FYN: variants seen among roughly 807,000 people sequenced by gnomAD.
FYN encodes the protein FYN proto-oncogene, Src family tyrosine kinase.
Under a neutral mutation model 70.2 loss-of-function variants are expected in FYN, and 10 were observed. The ratio of observed to expected loss-of-function variants is 0.14; its 90% CI spans 0.09 to 0.24. FYN has a LOEUF of 0.24. Ranked by LOEUF, FYN falls within the 10% of genes least tolerant of loss-of-function variation. The probability of loss-of-function intolerance (pLI) is 1.00; values close to 1 mark genes in which losing one functional copy is unlikely to be tolerated. For missense variants in FYN, 319 were observed against 673.1 expected, an observed-to-expected ratio of 0.47 and a Z score of 5.82; for synonymous variants, 236 against 248.6, an observed-to-expected ratio of 0.95 and a Z score of 0.48.
intron 3 of FYN, among the ~76,000 whole-genome samples, chr6:111,743,116 G>A (rs567760640): frequency 5.8e-4 from 88 of 152,120 alleles, no homozygotes; most frequent in African/African-American, 1.7e-3. Context: ...GCAGGTGCGC[G>A]CCACCATGCC....
At chr6:111,728,172 G>A (rs1801276546) in intron 3 of FYN, among the ~76,000 whole-genome samples, 1 of 152,180 alleles carries the variant, frequency 6.6e-6, no homozygotes, top group African/African-American at 2.4e-5. Context: ...TAAGACAAGA[G>A]TGAAATGGTG....
chr6:111,847,448 G>A (rs1293756493), intron 1 of FYN, among the ~76,000 whole-genome samples: 1 of 152,190 alleles, frequency 6.6e-6, no homozygotes, highest in Non-Finnish European at 1.5e-5. Context: ...AGTGTCTAAA[G>A]AGAACAATAA....
chr6:111,679,247 A>T (rs372089264), intron 12 of FYN, among the ~76,000 whole-genome samples: 3 of 152,346 alleles, frequency 2.0e-5, no homozygotes, highest in Middle Eastern at 3.4e-3. Context: ...TTACTTGCAC[A>T]GGGAACCTTT....
intron 10 of FYN, among the ~76,000 whole-genome samples, chr6:111,695,061 G>A (rs1165776445): frequency 7.9e-5 from 12 of 152,182 alleles, no homozygotes; most frequent in Admixed American, 7.2e-4. Context: ...AAGAATTGAT[G>A]TGGGGAAAAT....
chr6:111,838,354 AC>A (rs1389404842), intron 2 of FYN, among the ~76,000 whole-genome samples: 2 of 152,200 alleles, frequency 1.3e-5, no homozygotes, highest in Non-Finnish European at 2.9e-5. Context: ...GTTTCACAAG[AC>A]TATTATGACA....
intron 1 of FYN, among the ~76,000 whole-genome samples, chr6:111,849,248 G>A (rs1773616838): frequency 6.6e-6 from 1 of 152,222 alleles, no homozygotes; most frequent in Non-Finnish European, 1.5e-5. Flanking sequence ...AGGAATGGAA[G>A]CCAAAGGACA....
intron 2 of FYN, among the ~76,000 whole-genome samples, chr6:111,820,980 A>T (rs892566772): frequency 1.3e-5 from 2 of 152,176 alleles, no homozygotes; most frequent in Non-Finnish European, 2.9e-5. Context: ...ATGACTAATT[A>T]ACTCTGAGAA....
intron 13 of FYN, among the ~76,000 whole-genome samples, chr6:111,665,630 A>T (rs9374271): frequency 0.042 from 5,512 of 132,642 alleles, 125 homozygotes; most frequent in East Asian, 0.12. Context: ...TTATTTATTT[A>T]TTTTTTTTTG....
At chr6:111,742,284 C>T (rs894526533) in intron 3 of FYN, among the ~76,000 whole-genome samples, 59 of 152,138 alleles carry the variant, frequency 3.9e-4, no homozygotes, top group African/African-American at 1.4e-3. Context: ...AAAGTTTATG[C>T]TCATTCTCCA....
intron 13 of FYN, among the ~76,000 whole-genome samples, chr6:111,673,601 G>A (rs181805534): frequency 1.6e-5 from 2 of 126,680 alleles, no homozygotes; most frequent in Non-Finnish European, 3.3e-5. Context: ...CTCATTAATC[G>A]TCACTATCGT....
intron 3 of FYN, among the ~76,000 whole-genome samples, chr6:111,770,419 T>C (rs1013492542): frequency 6.6e-6 from 1 of 152,202 alleles, no homozygotes; most frequent in Non-Finnish European, 1.5e-5. Flanking sequence ...ACTTGTTAAA[T>C]GTGGCTGATG....
intron 9 of FYN, chr6:111,699,380 C>G (rs888367886): frequency 6.5e-6 from 6 of 924,988 alleles, no homozygotes; most frequent in Non-Finnish European, 9.7e-6. Context: ...TTCTGAAAAT[C>G]TGGATGGCCT....
chr6:111,835,185 A>T (rs1011396797), intron 2 of FYN, among the ~76,000 whole-genome samples: 1 of 152,228 alleles, frequency 6.6e-6, no homozygotes, highest in Admixed American at 6.5e-5. Flanking sequence ...ATTTTTCTCA[A>T]CTATTTAGTA....
At chr6:111,725,204 G>A (rs1054251239) in intron 3 of FYN, among the ~76,000 whole-genome samples, 5 of 152,150 alleles carry the variant, frequency 3.3e-5, no homozygotes, top group African/African-American at 9.7e-5. Flanking sequence ...ATTCTCAGTG[G>A]AGAGAGTTAA....
At chr6:111,747,825 G>A (rs1802298523) in intron 3 of FYN, among the ~76,000 whole-genome samples, 1 of 152,288 alleles carries the variant, frequency 6.6e-6, no homozygotes, top group African/African-American at 2.4e-5. Flanking sequence ...TTTAATATTT[G>A]TTGAGCATCA....
intron 13 of FYN, among the ~76,000 whole-genome samples, chr6:111,671,368 G>A (rs984474746): frequency 6.6e-6 from 1 of 151,946 alleles, no homozygotes; most frequent in African/African-American, 2.4e-5. Flanking sequence ...CTTCTTTCAC[G>A]CTGGGCAAAG....
At chr6:111,673,176 T>C (rs973147569) in intron 13 of FYN, among the ~76,000 whole-genome samples, 1 of 151,958 alleles carries the variant, frequency 6.6e-6, no homozygotes, top group Non-Finnish European at 1.5e-5. Flanking sequence ...TTTCCCCCCT[T>C]GAGAAGCAAT....
chr6:111,716,934 G>A (rs1307483030), intron 4 of FYN, among the ~76,000 whole-genome samples: 3 of 151,804 alleles, frequency 2.0e-5, no homozygotes, highest in Admixed American at 2.0e-4. Context: ...ACAGGTGCCT[G>A]CCACCATGCC....
chr6:111,783,658 T>C (rs1195867897), intron 2 of FYN, among the ~76,000 whole-genome samples: 1 of 152,214 alleles, frequency 6.6e-6, no homozygotes, highest in East Asian at 1.9e-4. Flanking sequence ...AAAATGCTAA[T>C]TACACACTGA....
Sources: allele counts gnomAD v4.1 joint callset (sites outside exome capture counted in the v4.1 genomes callset), GRCh38; gene constraint gnomAD v4.1.1; transcripts MANE v1.5; gene names NCBI Gene and HGNC (gene_info 2026-07-23, HGNC 2026-07-21).